Variants in LRRFIP2 observed in about 807,000 individuals in gnomAD.
LRRFIP2 encodes the protein LRR binding FLII interacting protein 2, also known as leucine-rich repeat flightless-interacting protein 2.
Under a neutral mutation model 125.9 loss-of-function variants are expected in LRRFIP2, and 109 were observed. The observed-to-expected ratio is 0.87, with a 90% CI of 0.74 to 1.01. The LOEUF (loss-of-function observed/expected upper bound fraction) is 1.01, where lower values mean the gene tolerates loss of function less well. Ranked by LOEUF, LRRFIP2 falls within the 50% of genes least tolerant of loss-of-function variation. The pLI, the probability that LRRFIP2 is intolerant of heterozygous loss-of-function variation, is 0.00. For missense variants in LRRFIP2, 850 were observed against 862.3 expected, an observed-to-expected ratio of 0.99 and a Z score of 0.18; for synonymous variants, 291 against 293.1, an observed-to-expected ratio of 0.99 and a Z score of 0.07.
rs1559885346 is a variant in LRRFIP2 at position 37,109,648 on chromosome 3, CT to C, written c.564+4del. 1 of 1,614,048 alleles carries C rather than the reference CT, an allele frequency of 6.2e-7. No homozygotes were observed. The highest frequency in any genetic ancestry group is 1.1e-5 in the South Asian group (1 of 91,082). On this transcript the variant is annotated splice_donor_region_variant and intron_variant, in intron 10 of 27. Coordinates refer to ENST00000336686, the MANE Select transcript of LRRFIP2 (RefSeq NM_006309.4). Reference sequence around the variant, plus strand: ...AAGGCAGAACATTCCTCAGAAAGTACTAACCCTGTCACTCTTATATGTTGCC... The same window carrying C: ...AAGGCAGAACATTCCTCAGAAAGTACAACCCTGTCACTCTTATATGTTGCC...
At chr3:37,145,526 C>T (rs1048948379) in intron 2 of LRRFIP2, among the ~76,000 whole-genome samples, 4 of 152,128 alleles carry the variant, frequency 2.6e-5, no homozygotes, top group African/African-American at 9.7e-5. Context: ...TCTCCAAAGC[C>T]CACCTCTCCT....
chr3:37,173,670 T>C (rs1022866101), intron 1 of LRRFIP2, among the ~76,000 whole-genome samples: 1 of 152,194 alleles, frequency 6.6e-6, no homozygotes, highest in African/African-American at 2.4e-5. Context: ...TTCTGAATGA[T>C]CCTCATCAAC....
chr3:37,127,578 G>A, intron 4 of LRRFIP2, 52 bp downstream of exon 4: 1 of 1,559,862 alleles, frequency 6.4e-7, no homozygotes, highest in African/African-American at 1.4e-5. Flanking sequence ...CTTCAAGACT[G>A]CATTATTTCA....
chr3:37,126,932 T>C (rs2095298872), intron 4 of LRRFIP2, among the ~76,000 whole-genome samples: 1 of 151,778 alleles, frequency 6.6e-6, no homozygotes, highest in Non-Finnish European at 1.5e-5. Flanking sequence ...TTCTTAACCC[T>C]TTAGGAATTA....
At chr3:37,109,617 G>A (rs534730135) in intron 10 of LRRFIP2, 36 bp downstream of exon 10, 1 of 1,613,806 alleles carries the variant, frequency 6.2e-7, no homozygotes, top group Admixed American at 1.7e-5. Flanking sequence ...GCAACTGGTA[G>A]CTCTAAAGGC....
At chr3:37,108,509 A>G in intron 12 of LRRFIP2, 128 bp downstream of exon 12, 1 of 705,474 alleles carries the variant, frequency 1.4e-6, no homozygotes. Flanking sequence ...GAGTAATTCC[A>G]GGTCAGATTA....
chr3:37,075,317 C>A (rs11709376), intron 19 of LRRFIP2, among the ~76,000 whole-genome samples: 2 of 151,756 alleles, frequency 1.3e-5, no homozygotes, highest in East Asian at 1.9e-4. Context: ...TCAGGAAAAC[C>A]TGAACTAATC....
In LRRFIP2 at chr3:37,165,804, AG is replaced by A; in HGVS notation, c.-56+8734del. Among the ~76,000 whole-genome samples the A allele has an allele frequency of 4.8e-5, 4 of 83,018 alleles. 1 individual carries two copies. The highest frequency in any genetic ancestry group is 2.4e-4 in the Admixed American group (2 of 8,250). The allele number at this position is 83,018 out of a possible 152,430, so 54.5% of individuals were successfully genotyped here. A position where few individuals can be genotyped will look rare whatever the true frequency, so the allele number is the denominator to read the frequency against. Reference sequence around the variant, plus strand: ...AGAAAAGAGAAAGAAAGAGAAAGAAAGAAAGAAAGAAAGAAAGAAAGAAAGA... The same window carrying A: ...AGAAAAGAGAAAGAAAGAGAAAGAAAAAAGAAAGAAAGAAAGAAAGAAAGA... On this transcript the variant is annotated intron_variant, in intron 1 of 27. Coordinates refer to ENST00000336686, the MANE Select transcript of LRRFIP2 (RefSeq NM_006309.4).
intron 19 of LRRFIP2, among the ~76,000 whole-genome samples, chr3:37,077,643 C>G (rs1362024738): frequency 6.6e-6 from 1 of 152,042 alleles, no homozygotes; most frequent in African/African-American, 2.4e-5. Flanking sequence ...TTAACTTCTT[C>G]AGATATATTC....
At chr3:37,077,389 G>A (rs2092195625) in intron 19 of LRRFIP2, among the ~76,000 whole-genome samples, 1 of 152,118 alleles carries the variant, frequency 6.6e-6, no homozygotes, top group African/African-American at 2.4e-5. Context: ...ACATTCATAA[G>A]GTGATAAAAT....
At position 37,105,483 on chromosome 3, in the gene LRRFIP2, C is replaced by T. The variant is rs765908762; in HGVS notation, c.755G>A (p.Arg252His). 1.8e-5 allele frequency: 29 copies of T among 1,613,770 alleles called. No individual in the cohort carries two copies. Among genetic ancestry groups the T allele is most frequent in the African/African-American group, 5.3e-5 (4 of 74,906 alleles). ...ACTCTCCCTTCGTCCACGACTGGCA[C>T]GATCAGAAGACACAATGCTTGCAGT... ...DDTASIVSSD[R>H]ASRGRRESVV... The change falls in exon 14 of 28, where the codon CGT becomes CAT. Residue 252 changes from arginine (R) to histidine (H), a missense_variant. Physicochemically the swap from Arg to His is conservative, Grantham distance 29 (BLOSUM62 0). Coordinates refer to ENST00000336686, the MANE Select transcript of LRRFIP2 (RefSeq NM_006309.4).
At chr3:37,066,109 T>C (rs2090089743) in intron 22 of LRRFIP2, 115 bp downstream of exon 22, 2 of 1,309,286 alleles carry the variant, frequency 1.5e-6, no homozygotes, top group Admixed American at 3.5e-5. Context: ...CAAATCTGGA[T>C]TAGAGAATAA....
chr3:37,103,024 G>GA lies in LRRFIP2; in HGVS notation c.784-12dup, dbSNP rs770418848. On this transcript the variant is annotated splice_polypyrimidine_tract_variant and intron_variant, in intron 14 of 27. Transcript: ENST00000336686. ...ATCAGCGGCAGATACCTTTCGGTCA[G>GA]AAAAAAAACAAGATGCTTTCAAGGT... 146 of 1,520,386 alleles carry GA rather than the reference G, an allele frequency of 9.6e-5. No individual in the cohort carries two copies. The highest frequency in any genetic ancestry group is 1.2e-4 in the East Asian group (5 of 40,876). The allele number at this position is 1,520,386 out of a possible 1,614,324, so 94.2% of individuals were successfully genotyped here. A position where few individuals can be genotyped will look rare whatever the true frequency, so the allele number is the denominator to read the frequency against.
intron 1 of LRRFIP2, among the ~76,000 whole-genome samples, chr3:37,171,338 T>C (rs537429087): frequency 9.2e-5 from 14 of 152,192 alleles, no homozygotes; most frequent in Non-Finnish European, 1.6e-4. Flanking sequence ...TGGTAGGTTC[T>C]GTCAGGCAAG....
At chr3:37,144,139 G>A (rs1295906930) in intron 2 of LRRFIP2, among the ~76,000 whole-genome samples, 66 of 152,186 alleles carry the variant, frequency 4.3e-4, no homozygotes, top group Admixed American at 4.1e-3. Context: ...GGTGAGACAC[G>A]GCCCCTCATA....
intron 18 of LRRFIP2, among the ~76,000 whole-genome samples, chr3:37,088,770 T>C (rs997131673): frequency 6.6e-6 from 1 of 152,052 alleles, no homozygotes; most frequent in African/African-American, 2.4e-5. Flanking sequence ...ACACTCCAGC[T>C]TGAGTGACAG....
rs558022978 is a variant in LRRFIP2 at position 37,107,144 on chromosome 3, T to C, written c.714+929A>G. Among the ~76,000 whole-genome samples, 7 of 152,238 alleles carry C rather than the reference T, an allele frequency of 4.6e-5. No individual in the cohort carries two copies. In the South Asian group the frequency reaches 1.5e-3, roughly 32 times the overall value. ...GTCTCAAACTCCCGATCTCAGGTAA[T>C]GTGCCCTCGGCCTCCCAAAGTGCTG... is the stretch of plus-strand genomic sequence containing the variant. On this transcript the variant is annotated intron_variant, in intron 13 of 27. Transcript: ENST00000336686.
chr3:37,108,159 C>A (rs1247417228), intron 12 of LRRFIP2, 30 bp from the exon 13 acceptor site: 1 of 1,522,774 alleles, frequency 6.6e-7, no homozygotes. Flanking sequence ...AAAGGTTTTA[C>A]AACAATGATC....
At chr3:37,065,405 C>T (rs1407958106) in intron 23 of LRRFIP2, 4 of 356,578 alleles carry the variant, frequency 1.1e-5, no homozygotes, top group Non-Finnish European at 2.2e-5. Flanking sequence ...GTACAGAACC[C>T]TGGGGTAAGC....
Sources: gnomAD v4.1 joint callset for allele counts (sites outside exome capture counted in the v4.1 genomes callset) on GRCh38, gnomAD v4.1.1 for gene constraint, MANE v1.5 for transcripts, NCBI Gene and HGNC (gene_info 2026-07-23, HGNC 2026-07-21) for gene names.